Variants in IMMP2L observed in about 807,000 individuals in gnomAD.
IMMP2L encodes inner mitochondrial membrane peptidase subunit 2, also known as mitochondrial inner membrane protease subunit 2.
A neutral mutation model predicts 19.3 loss-of-function variants in IMMP2L; 18 were observed. That is an observed-to-expected ratio of 0.93 (90% CI 0.64 to 1.38). The LOEUF (loss-of-function observed/expected upper bound fraction) is 1.38, where lower values mean the gene tolerates loss of function less well. Among genes scored for constraint, IMMP2L ranks in the 40% most tolerant of loss-of-function variants. The probability of loss-of-function intolerance (pLI) is 0.00; values close to 1 mark genes in which losing one functional copy is unlikely to be tolerated. For synonymous variants in IMMP2L, 76 were observed against 73.0 expected, an observed-to-expected ratio of 1.04 and a Z score of -0.21; for missense variants, 233 against 218.2, an observed-to-expected ratio of 1.07 and a Z score of -0.43.
chr7:111,321,361 TTAAA>T (rs1394281269), intron 3 of IMMP2L, among the ~76,000 whole-genome samples: 2 of 151,956 alleles, frequency 1.3e-5, no homozygotes, highest in Non-Finnish European at 2.9e-5. Flanking sequence ...TGCACACTGA[TTAAA>T]TAAATGACAA....
intron 1 of IMMP2L, among the ~76,000 whole-genome samples, chr7:111,546,959 A>G (rs1237034931): frequency 6.6e-6 from 1 of 152,208 alleles, no homozygotes; most frequent in Non-Finnish European, 1.5e-5. Flanking sequence ...ATTGGGGTAC[A>G]GAATGCTAAT....
chr7:111,038,464 G>A (rs1791564919), intron 3 of IMMP2L, among the ~76,000 whole-genome samples: 1 of 152,088 alleles, frequency 6.6e-6, no homozygotes, highest in Admixed American at 6.6e-5. Context: ...AGCCAACTAG[G>A]TTCAAAGACC....
In IMMP2L at chr7:110,969,035, G is replaced by A. The variant is rs1050814431; in HGVS notation, c.240-5470C>T. Among the ~76,000 whole-genome samples the A allele has an allele frequency of 6.6e-5, 10 of 152,114 alleles. No individual in the cohort carries two copies. The South Asian group carries it at 2.1e-3, about 32-fold the overall frequency. ...TTCATGGGAGAACAAGAAAAGCATT[G>A]TAAAGGTTTGGTCAACTTTTATTAC... On this transcript the variant is annotated intron_variant, in intron 3 of 5. Transcript: ENST00000405709.
chr7:111,088,590 C>G (rs1406484341), intron 3 of IMMP2L, among the ~76,000 whole-genome samples: 1 of 152,072 alleles, frequency 6.6e-6, no homozygotes, highest in East Asian at 1.9e-4. Context: ...CCTGGAATAC[C>G]TGAGGGGCTC....
intron 3 of IMMP2L, among the ~76,000 whole-genome samples, chr7:111,444,756 A>G (rs1012424878): frequency 6.6e-6 from 1 of 152,234 alleles, no homozygotes; most frequent in Non-Finnish European, 1.5e-5. Context: ...CCTAAAACAA[A>G]GAAGTAAGAG....
chr7:110,966,344 G>A (rs1047923026), intron 3 of IMMP2L, among the ~76,000 whole-genome samples: 5 of 151,894 alleles, frequency 3.3e-5, no homozygotes, highest in Admixed American at 2.0e-4. Flanking sequence ...ATCCTTTAGC[G>A]GATGACAACT....
At chr7:111,488,379 C>T (rs967358205) in intron 2 of IMMP2L, among the ~76,000 whole-genome samples, 5 of 152,118 alleles carry the variant, frequency 3.3e-5, no homozygotes, top group Non-Finnish European at 5.9e-5. Context: ...ATGTGTCATT[C>T]TTATGCCTTT....
In IMMP2L at chr7:110,728,951, C is replaced by A. The variant is rs542701208; in HGVS notation, c.409-65230G>T. Among the ~76,000 whole-genome samples the A allele has an allele frequency of 6.6e-6, 1 of 152,044 alleles. No individual in the cohort carries two copies. The highest frequency in any genetic ancestry group is 1.5e-5 in the Non-Finnish European group (1 of 67,998). On this transcript the variant is annotated intron_variant, in intron 5 of 5. Transcript: ENST00000405709. The surrounding 1 kb of genome is among the most constrained non-coding windows in gnomAD (Gnocchi z 4.6). ...TTTCACCCAGGCTGGACTGCAATGG[C>A]GCGATCTCAGCTCACAGCAACCTCC...
At chr7:111,034,477 T>A (rs2129569521) in intron 3 of IMMP2L, among the ~76,000 whole-genome samples, 1 of 152,254 alleles carries the variant, frequency 6.6e-6, no homozygotes, top group African/African-American at 2.4e-5. Flanking sequence ...CAAGTGATGT[T>A]TCCTAACCAA....
intron 3 of IMMP2L, among the ~76,000 whole-genome samples, chr7:111,150,138 A>G (rs537734385): frequency 6.6e-6 from 1 of 152,312 alleles, no homozygotes; most frequent in East Asian, 1.9e-4. Context: ...CAAATAGAAT[A>G]TTATGATCTC....
At chr7:111,034,382 G>A (rs1377787187) in intron 3 of IMMP2L, among the ~76,000 whole-genome samples, 1 of 152,076 alleles carries the variant, frequency 6.6e-6, no homozygotes, top group Non-Finnish European at 1.5e-5. Context: ...AGGCATAGGG[G>A]AAAGGCATTA....
At chr7:111,506,439 C>A (rs2132512452) in intron 2 of IMMP2L, among the ~76,000 whole-genome samples, 1 of 152,198 alleles carries the variant, frequency 6.6e-6, no homozygotes, top group East Asian at 1.9e-4. Flanking sequence ...GCCCTGTCCC[C>A]CAGGCTGCAG....
intron 2 of IMMP2L, among the ~76,000 whole-genome samples, chr7:111,503,151 C>G (rs2132467454): frequency 6.6e-6 from 1 of 152,144 alleles, no homozygotes; most frequent in African/African-American, 2.4e-5. Flanking sequence ...CACAACCGAT[C>G]CCACAGAAAT....
chr7:111,092,217 C>A (rs896003744), intron 3 of IMMP2L, among the ~76,000 whole-genome samples: 1 of 152,206 alleles, frequency 6.6e-6, no homozygotes, highest in Non-Finnish European at 1.5e-5. Flanking sequence ...ATTGCTAATG[C>A]AGCTGGAACT....
At chr7:110,830,393 TA>T (rs909708879) in intron 5 of IMMP2L, among the ~76,000 whole-genome samples, 92 of 150,424 alleles carry the variant, frequency 6.1e-4, no homozygotes, top group African/African-American at 1.6e-3. Flanking sequence ...GGTTTGTTTC[TA>T]AAAAAAAACA....
intron 1 of IMMP2L, among the ~76,000 whole-genome samples, chr7:111,536,124 C>T (rs1847865932): frequency 1.3e-5 from 2 of 152,084 alleles, no homozygotes; most frequent in Non-Finnish European, 2.9e-5. Context: ...TGAGTTTAAA[C>T]TACTGGAAAA....
chr7:110,726,205 T>C (rs1001370223), intron 5 of IMMP2L, among the ~76,000 whole-genome samples: 3 of 152,208 alleles, frequency 2.0e-5, no homozygotes, highest in African/African-American at 7.2e-5. Context: ...TCAAGAGTTA[T>C]GAGATAAATG....
At chr7:110,989,371 T>C (rs369468257) in intron 3 of IMMP2L, among the ~76,000 whole-genome samples, 80 of 151,884 alleles carry the variant, frequency 5.3e-4, no homozygotes, top group African/African-American at 1.8e-3. Flanking sequence ...ATCCCACTTC[T>C]ACAAAAAAAT....
In IMMP2L at chr7:110,832,513, G is replaced by A. The variant is rs117489502; in HGVS notation, c.408+54080C>T. Among the ~76,000 whole-genome samples the A allele has an allele frequency of 1.6e-3, 246 of 152,104 alleles. 7 individuals are homozygous for A. The East Asian group carries it at 0.045, about 28-fold the overall frequency. ...ATTTTTCACAATCTAAAAGGGGCCT[G>A]CTGGTGGCGTGCTTCCTAGCTTTTC... On this transcript the variant is annotated intron_variant, in intron 5 of 5. Coordinates refer to ENST00000405709, the MANE Select transcript of IMMP2L (RefSeq NM_032549.4).
Sources: gnomAD v4.1 joint callset for allele counts (sites outside exome capture counted in the v4.1 genomes callset) on GRCh38, gnomAD v4.1.1 for gene constraint, Gnocchi (gnomAD v3.1) non-coding constraint, MANE v1.5 for transcripts, NCBI Gene and HGNC (gene_info 2026-07-23, HGNC 2026-07-21) for gene names.